The following ABTB3 variants were observed in gnomAD, a reference collection of about 807,000 sequenced individuals.
The protein encoded by ABTB3 is ankyrin repeat and BTB domain containing 3.
the ABTB3 span, among the ~76,000 whole-genome samples, chr12:107,453,555 C>A: frequency 6.6e-6 from 1 of 152,236 alleles, no homozygotes; most frequent in African/African-American, 2.4e-5. Context: ...TTTTGGACTT[C>A]CCAGCCTCCA....
At chr12:107,544,387 A>C in the ABTB3 span, among the ~76,000 whole-genome samples, 14,169 of 152,140 alleles carry the variant, frequency 0.093, 730 homozygotes, top group Middle Eastern at 0.11. Flanking sequence ...TGGGTCTGCA[A>C]ATTCCAGAGG....
At chr12:107,319,627 C>A in the ABTB3 span, 1 of 1,536,928 alleles carries the variant, frequency 6.5e-7, no homozygotes, top group African/African-American at 1.4e-5. Context: ...CGCTGCGCAT[C>A]CACGAGCACG....
the ABTB3 span, among the ~76,000 whole-genome samples, chr12:107,453,987 G>T: frequency 2.6e-5 from 4 of 152,232 alleles, no homozygotes; most frequent in Admixed American, 2.6e-4. Context: ...ATCCAGGAAT[G>T]AGAAGGAGAG....
At chr12:107,387,153 T>C in the ABTB3 span, among the ~76,000 whole-genome samples, 5 of 151,962 alleles carry the variant, frequency 3.3e-5, no homozygotes, top group African/African-American at 1.2e-4. Context: ...AATTTTTGTA[T>C]TTTTAGTAGA....
chr12:107,584,841 G>T, the ABTB3 span, among the ~76,000 whole-genome samples: 1 of 152,334 alleles, frequency 6.6e-6, no homozygotes, highest in South Asian at 2.1e-4. Context: ...TCTCACCATG[G>T]TGATCAGGTT....
chr12:107,578,070 A>C, the ABTB3 span, among the ~76,000 whole-genome samples: 2 of 152,016 alleles, frequency 1.3e-5, no homozygotes, highest in African/African-American at 4.8e-5. Flanking sequence ...CCTCTCCTTG[A>C]CTCAGAGCCC....
the ABTB3 span, among the ~76,000 whole-genome samples, chr12:107,421,961 TCC>T: frequency 6.6e-6 from 1 of 151,992 alleles, no homozygotes; most frequent in Non-Finnish European, 1.5e-5. Context: ...AGAGACAGAG[TCC>T]TTGGCCTGAG....
the ABTB3 span, among the ~76,000 whole-genome samples, chr12:107,616,692 C>T: frequency 6.6e-6 from 1 of 152,206 alleles, no homozygotes; most frequent in Non-Finnish European, 1.5e-5. Context: ...CTTTGTGTAA[C>T]CAGCCCAGGA....
the ABTB3 span, chr12:107,617,542 A>C: frequency 6.9e-7 from 1 of 1,455,858 alleles, no homozygotes; most frequent in African/African-American, 1.4e-5. Flanking sequence ...TGGGGCCCAG[A>C]GGCAGTGTGA....
the ABTB3 span, among the ~76,000 whole-genome samples, chr12:107,538,422 G>A: frequency 1.3e-5 from 2 of 152,334 alleles, no homozygotes; most frequent in Admixed American, 6.5e-5. Flanking sequence ...CTGCACACAG[G>A]AAGCACTAGC....
the ABTB3 span, among the ~76,000 whole-genome samples, chr12:107,481,576 A>G: frequency 1.2e-3 from 183 of 152,226 alleles, no homozygotes; most frequent in African/African-American, 4.2e-3. Flanking sequence ...AAGGCATGGA[A>G]GCCCAGGGAG....
the ABTB3 span, among the ~76,000 whole-genome samples, chr12:107,427,120 G>A: frequency 6.6e-6 from 1 of 152,160 alleles, no homozygotes; most frequent in East Asian, 1.9e-4. Flanking sequence ...AGTCAAAGTG[G>A]CAGCAGAGCT....
the ABTB3 span, among the ~76,000 whole-genome samples, chr12:107,573,366 T>C: frequency 4.6e-5 from 7 of 152,120 alleles, no homozygotes; most frequent in South Asian, 1.5e-3. Context: ...ACCCATAGGA[T>C]GTGTGTACAT....
the ABTB3 span, among the ~76,000 whole-genome samples, chr12:107,391,217 A>G: frequency 3.9e-5 from 6 of 152,194 alleles, no homozygotes; most frequent in African/African-American, 1.2e-4. Flanking sequence ...GGTGCCATCA[A>G]TATTGCTGCT....
chr12:107,595,433 G>A, the ABTB3 span, among the ~76,000 whole-genome samples: 1 of 152,184 alleles, frequency 6.6e-6, no homozygotes, highest in African/African-American at 2.4e-5. Flanking sequence ...CTTGCTGGCT[G>A]CAATGGGGGG....
At chr12:107,410,509 A>C in the ABTB3 span, among the ~76,000 whole-genome samples, 1 of 152,324 alleles carries the variant, frequency 6.6e-6, no homozygotes, top group Admixed American at 6.5e-5. Flanking sequence ...AGGCTGCGGG[A>C]TTCTGACTTG....
the ABTB3 span, among the ~76,000 whole-genome samples, chr12:107,558,438 A>G: frequency 6.6e-6 from 1 of 152,212 alleles, no homozygotes; most frequent in African/African-American, 2.4e-5. Flanking sequence ...GAGCCTTAAC[A>G]GTAGTTAAAT....
At chr12:107,489,906 G>T in the ABTB3 span, among the ~76,000 whole-genome samples, 1 of 151,762 alleles carries the variant, frequency 6.6e-6, no homozygotes, top group Non-Finnish European at 1.5e-5. Context: ...ACAGGCATGA[G>T]CCACCATGCA....
chr12:107,405,465 A>C, the ABTB3 span, among the ~76,000 whole-genome samples: 1 of 152,114 alleles, frequency 6.6e-6, no homozygotes, highest in African/African-American at 2.4e-5. Context: ...ATCAATACCC[A>C]CATCTCCTTT....
Sources: gnomAD v4.1 joint callset for allele counts (sites outside exome capture counted in the v4.1 genomes callset) on GRCh38, gnomAD v4.1.1 for gene constraint, MANE v1.5 for transcripts, NCBI Gene and HGNC (gene_info 2026-07-23, HGNC 2026-07-21) for gene names.